The following EHD4 variants were observed in gnomAD, a reference collection of about 807,000 sequenced individuals.
The protein encoded by EHD4 is EH domain-containing protein 4.
Under a neutral mutation model 51.0 loss-of-function variants are expected in EHD4, and 37 were observed. The ratio of observed to expected loss-of-function variants is 0.73; its 90% CI spans 0.56 to 0.95. EHD4 has a LOEUF of 0.95. EHD4 is among the 40% of genes least tolerant of loss of function. The pLI, the probability that EHD4 is intolerant of heterozygous loss-of-function variation, is 0.00. For missense variants in EHD4, 632 were observed against 733.1 expected (o/e 0.86, Z 1.59); for synonymous variants, 297 against 317.3 (o/e 0.94, Z 0.68).
chr15:41,900,800 C>T lies in EHD4; in HGVS notation c.1471G>A (p.Ala491Thr). The change falls in exon 6 of 6, where the codon GCC (alanine) becomes ACC (threonine). Residue 491 changes from alanine (A) to threonine (T), a missense_variant. Coordinates refer to ENST00000220325, the MANE Select transcript of EHD4 (RefSeq NM_139265.4). This position sits in a 1 kb window ranked among gnomAD's most constrained non-coding sequence, Gnocchi z 4.8. ...NSVLGKIWKLADCDCDGMLDE... is the reference protein window; with the variant it reads ...NSVLGKIWKLTDCDCDGMLDE... The stretch of plus-strand genomic sequence containing the variant: ...AGCATGCCGTCGCAGTCGCAGTCGG[C>T]CAGCTTCCAGATCTTGCCCAGGACG... 1 of 1,614,180 alleles carries T rather than the reference C, an allele frequency of 6.2e-7. No homozygotes were observed. The highest frequency in any genetic ancestry group is 1.1e-5 in the South Asian group (1 of 91,086).
intron 3 of EHD4, among the ~76,000 whole-genome samples, chr15:41,937,551 G>C (rs958694214): frequency 4.6e-5 from 7 of 152,154 alleles, no homozygotes; most frequent in Non-Finnish European, 8.8e-5. Context: ...GGGAACTGAG[G>C]GTTCTTGGTC....
intron 2 of EHD4, among the ~76,000 whole-genome samples, chr15:41,946,786 T>C (rs1162601429): frequency 6.6e-6 from 1 of 152,084 alleles, no homozygotes; most frequent in African/African-American, 2.4e-5. Flanking sequence ...TTACTTAAAA[T>C]TTCCCCCAAA....
rs757538412 is a variant in EHD4, at chr15:41,919,476, C to A, written c.658G>T (p.Val220Leu). 10 of 1,560,912 alleles carry A rather than the reference C, an allele frequency of 6.4e-6. No homozygotes were observed. The African/African-American group carries it at 1.4e-4, about 21-fold the overall frequency. Residue 220 changes from valine to leucine, a missense_variant, in exon 4 of 6, where the codon GTG becomes TTG. Val to Leu is a conservative substitution (Grantham distance 32). Coordinates refer to ENST00000220325, the MANE Select transcript of EHD4 (RefSeq NM_139265.4). ...FRGQDDKIRV[V>L]LNKADQVDTQ... ...TCCACTTGGTCGGCCTTGTTCAGCA[C>A]GACACGGATCTTGTCGTCCTGGCCC...
At chr15:41,914,504 C>T (rs541095108) in intron 4 of EHD4, among the ~76,000 whole-genome samples, 12 of 152,270 alleles carry the variant, frequency 7.9e-5, no homozygotes, top group African/African-American at 2.9e-4. Flanking sequence ...TCAAAACTGG[C>T]ACCAATGGCA....
intron 1 of EHD4, among the ~76,000 whole-genome samples, chr15:41,959,489 A>G (rs1051862512): frequency 6.6e-6 from 1 of 151,368 alleles, no homozygotes; most frequent in Non-Finnish European, 1.5e-5. Context: ...GCATCTGTGC[A>G]TGGAGTTTGG....
intron 1 of EHD4, among the ~76,000 whole-genome samples, chr15:41,965,064 G>A (rs1290626390): frequency 5.3e-5 from 8 of 151,950 alleles, no homozygotes; most frequent in African/African-American, 1.9e-4. Context: ...GAGCTGCTGC[G>A]CCCAGCCTAT....
chr15:41,961,678 T>A (rs2067925284), intron 1 of EHD4, among the ~76,000 whole-genome samples: 1 of 152,344 alleles, frequency 6.6e-6, no homozygotes, highest in East Asian at 1.9e-4. Context: ...TTAAATGAAA[T>A]CCTTTTAAAA....
chr15:41,945,153 C>G (rs1395558542), intron 2 of EHD4, among the ~76,000 whole-genome samples: 1 of 152,216 alleles, frequency 6.6e-6, no homozygotes, highest in Non-Finnish European at 1.5e-5. Context: ...TCTGGCGGAG[C>G]TGAACATATC....
intron 3 of EHD4, chr15:41,942,133 T>G (rs2067775959): frequency 6.6e-6 from 1 of 152,138 alleles, no homozygotes; most frequent in Non-Finnish European, 1.5e-5. Flanking sequence ...CAGGAACCCA[T>G]CCTGACCCTC....
rs956281497 is a variant in EHD4 at position 41,896,750 on chromosome 15, C to G, written c.*3895G>C. On this transcript the variant is annotated 3_prime_UTR_variant, in exon 6 of 6. Transcript: ENST00000220325. ...CTGTGAAGCGGTCACCTCCATGAGT[C>G]CCTCCTGTCCTGGCTTCCAACCACT... The G allele has an allele frequency of 1.3e-5, 2 of 152,316 alleles. No individual in the cohort carries two copies. The highest frequency in any genetic ancestry group is 2.9e-5 in the Non-Finnish European group (2 of 68,124). 9.4% of individuals were successfully genotyped at this position (152,316 alleles called of 1,614,324 possible).
At chr15:41,964,728 G>C (rs2067950252) in intron 1 of EHD4, among the ~76,000 whole-genome samples, 1 of 148,808 alleles carries the variant, frequency 6.7e-6, no homozygotes. Flanking sequence ...AAGAAAGATA[G>C]ATACATAGAT....
intron 3 of EHD4, among the ~76,000 whole-genome samples, chr15:41,934,449 G>A (rs2067718804): frequency 1.3e-5 from 2 of 151,818 alleles, no homozygotes. Context: ...CAAGGAGATA[G>A]GACTACGAGA....
intron 1 of EHD4, among the ~76,000 whole-genome samples, chr15:41,956,100 G>A (rs35796146): frequency 0.2 from 29,716 of 152,168 alleles, 3,047 homozygotes; most frequent in East Asian, 0.27. Context: ...GTGCGGGAGT[G>A]GGTTTGAAGC....
rs2067474250 is a variant in EHD4, at chr15:41,901,010, T to C, written c.1261A>G (p.Thr421Ala). Residue 421 changes from threonine (T) to alanine (A), a missense_variant, in exon 6 of 6, where the codon ACC (threonine) becomes GCC (alanine). Transcript: ENST00000220325. ...LVQGGAFDGTTEGPFNQGYGE... is the reference protein window; with the variant it reads ...LVQGGAFDGTAEGPFNQGYGE... ...TAGCCCTGGTTGAAGGGGCCCTCGGTGGTGCCATCGAAGGCGCCGCCCTGC... is the reference window on the plus strand; with the variant it reads ...TAGCCCTGGTTGAAGGGGCCCTCGGCGGTGCCATCGAAGGCGCCGCCCTGC... 3.1e-6 allele frequency: 5 copies of C among 1,608,532 alleles called. No homozygotes were observed. The highest frequency in any genetic ancestry group is 4.3e-6 in the Non-Finnish European group (5 of 1,176,106).
chr15:41,924,079 G>C (rs560275523), intron 3 of EHD4, among the ~76,000 whole-genome samples: 45 of 152,136 alleles, frequency 3.0e-4, no homozygotes, highest in Non-Finnish European at 5.9e-4. Context: ...TTATCCATAA[G>C]GCATTGAGAC....
Position 41,972,352 on chromosome 15 carries a change from A to G in EHD4, c.143T>C (p.Phe48Ser). ...PLEEAYRFHE[F>S]HSPALEDADF... ...GGCGTCCTCCAGCGCAGGCGAGTGG[A>G]ACTCGTGGAAGCGGTACGCCTCCTC... Residue 48 changes from phenylalanine to serine, a missense_variant, in exon 1 of 6, where the codon TTC becomes TCC. Phe to Ser is a radical substitution (Grantham distance 155). Coordinates refer to ENST00000220325, the MANE Select transcript of EHD4 (RefSeq NM_139265.4). 1 of 1,611,298 alleles carries G rather than the reference A, an allele frequency of 6.2e-7. No individual in the cohort carries two copies. The highest frequency in any genetic ancestry group is 8.5e-7 in the Non-Finnish European group (1 of 1,178,820).
chr15:41,932,493 T>C (rs929489819), intron 3 of EHD4, among the ~76,000 whole-genome samples: 4 of 152,214 alleles, frequency 2.6e-5, no homozygotes, highest in African/African-American at 9.6e-5. Flanking sequence ...ATTTGTGCTT[T>C]GCATCTCGAT....
chr15:41,901,083 G>C lies in EHD4; in HGVS notation c.1188C>G (p.Leu396=), dbSNP rs1461418325. ...TCTCCTCCTGGCTGATGAGGTTCAT[G>C]AGGGGCGAGATCTTGTTGCTCAGCA... is the stretch of plus-strand genomic sequence containing the variant. The part of the protein sequence containing the change: ...DNMLSNKISP[L]MNLISQEETS... The change falls in exon 6 of 6, where the codon CTC becomes CTG. Residue 396 remains leucine (L), a synonymous_variant. Coordinates refer to ENST00000220325, the MANE Select transcript of EHD4 (RefSeq NM_139265.4). 8 of 1,612,940 alleles carry C rather than the reference G, an allele frequency of 5.0e-6. No individual in the cohort carries two copies. The Admixed American group carries it at 1.0e-4, about 20-fold the overall frequency.
At chr15:41,915,963 T>C (rs1566817765) in intron 4 of EHD4, among the ~76,000 whole-genome samples, 1 of 152,256 alleles carries the variant, frequency 6.6e-6, no homozygotes, top group Non-Finnish European at 1.5e-5. Flanking sequence ...AGTATCTATC[T>C]ACTTTTCATA....
Sources: allele counts gnomAD v4.1 joint callset (sites outside exome capture counted in the v4.1 genomes callset), GRCh38; gene constraint gnomAD v4.1.1; non-coding constraint Gnocchi (gnomAD v3.1); transcripts MANE v1.5; gene names NCBI Gene and HGNC (gene_info 2026-07-23, HGNC 2026-07-21).